ARHGAP12: variants seen among roughly 807,000 people sequenced by gnomAD.
The protein encoded by ARHGAP12 is Rho GTPase activating protein 12, also known as rho GTPase-activating protein 12.
A neutral mutation model predicts 108.6 loss-of-function variants in ARHGAP12; 64 were observed. That is an observed-to-expected ratio of 0.59 (90% CI 0.48 to 0.73). The LOEUF (loss-of-function observed/expected upper bound fraction) is 0.73. Ranked by LOEUF, ARHGAP12 falls within the 30% of genes least tolerant of loss-of-function variation. ARHGAP12 has a pLI of 0.00. For missense variants in ARHGAP12, 940 were observed against 1,005.9 expected, an observed-to-expected ratio of 0.93 and a Z score of 0.89; for synonymous variants, 312 against 337.2, an observed-to-expected ratio of 0.93 and a Z score of 0.82.
chr10:31,913,942 G>A (rs1439345303), intron 1 of ARHGAP12, among the ~76,000 whole-genome samples: 1 of 152,068 alleles, frequency 6.6e-6, no homozygotes, highest in Non-Finnish European at 1.5e-5. Context: ...GGTATAGCAC[G>A]GGGGTTGTAA....
chr10:31,883,471 T>C (rs944231987), intron 3 of ARHGAP12, among the ~76,000 whole-genome samples: 2 of 152,210 alleles, frequency 1.3e-5, no homozygotes, highest in African/African-American at 2.4e-5. Context: ...CATAACATGC[T>C]TGAAGAACTA....
Position 31,908,408 on chromosome 10 carries a change from G to C in ARHGAP12, c.448C>G (p.Leu150Val). Reference protein sequence around the residue: ...YNQGQTVNLSLDLTHNNGKFN... With the variant: ...YNQGQTVNLSVDLTHNNGKFN... Reference sequence around the variant, plus strand: ...TTTCCGTTATTATGGGTCAGGTCCAGGCTTAGGTTGACAGTCTGACCTTGA... The same window carrying C: ...TTTCCGTTATTATGGGTCAGGTCCACGCTTAGGTTGACAGTCTGACCTTGA... Residue 150 changes from leucine to valine, a missense_variant, in exon 3 of 20, where the codon CTG becomes GTG. Coordinates refer to ENST00000344936, the MANE Select transcript of ARHGAP12 (RefSeq NM_018287.7). The C allele has an allele frequency of 6.2e-7, 1 of 1,614,182 alleles. No homozygotes were observed. The highest frequency in any genetic ancestry group is 8.5e-7 in the Non-Finnish European group (1 of 1,180,028).
At position 31,928,767 on chromosome 10, in the gene ARHGAP12, T is replaced by C. The variant is rs184905360; in HGVS notation, c.-195A>G. On this transcript the variant is annotated 5_prime_UTR_variant, in exon 1 of 20. Coordinates refer to ENST00000344936, the MANE Select transcript of ARHGAP12 (RefSeq NM_018287.7). ...GTCGACGACGCGAGCCCGAAGAGCG[T>C]TCACACGGCTACGGCCGCGGCCGGC... The C allele has an allele frequency of 6.6e-6, 1 of 151,554 alleles. No homozygotes were observed. Among genetic ancestry groups the C allele is most frequent in the Non-Finnish European group, 1.5e-5 (1 of 67,864 alleles). The allele number at this position is 151,554 out of a possible 1,614,324, so 9.4% of individuals were successfully genotyped here.
In ARHGAP12 at chr10:31,925,510, C is replaced by G. The variant is rs1309541496; in HGVS notation, c.-111+3173G>C. Reference sequence around the variant, plus strand: ...CAACACTGACACATAACAATTTCCACACTTCATTCAGATTTCCTTAGTATT... The same window carrying G: ...CAACACTGACACATAACAATTTCCAGACTTCATTCAGATTTCCTTAGTATT... On this transcript the variant is annotated intron_variant, in intron 1 of 19. Coordinates refer to ENST00000344936, the MANE Select transcript of ARHGAP12 (RefSeq NM_018287.7). Among the ~76,000 whole-genome samples, 3 of 152,300 alleles carry G rather than the reference C, an allele frequency of 2.0e-5. No homozygotes were observed. In the South Asian group the frequency reaches 6.2e-4, roughly 32 times the overall value.
At chr10:31,927,516 C>G (rs1249787867) in intron 1 of ARHGAP12, among the ~76,000 whole-genome samples, 1 of 152,168 alleles carries the variant, frequency 6.6e-6, no homozygotes, top group Non-Finnish European at 1.5e-5. Flanking sequence ...TCCACCACCT[C>G]CCTTTAGGAA....
chr10:31,872,258 T>C (rs533569329), intron 3 of ARHGAP12, among the ~76,000 whole-genome samples: 1 of 152,242 alleles, frequency 6.6e-6, no homozygotes, highest in East Asian at 1.9e-4. Flanking sequence ...ATCGATTACC[T>C]AAACTCTATT....
intron 3 of ARHGAP12, among the ~76,000 whole-genome samples, chr10:31,895,255 G>A (rs1005604228): frequency 2.6e-5 from 4 of 152,080 alleles, no homozygotes; most frequent in Admixed American, 1.3e-4. Flanking sequence ...AAATGGGATC[G>A]AATTAAACTA....
chr10:31,814,149 C>T (rs2799012), intron 14 of ARHGAP12, 110 bp downstream of exon 14: 416,428 of 843,480 alleles, frequency 0.49, 105,015 homozygotes, highest in African/African-American at 0.57. Flanking sequence ...CTGCACAGCC[C>T]TTTTGTAACA....
chr10:31,853,403 T>C (rs1306282811), intron 5 of ARHGAP12, among the ~76,000 whole-genome samples: 3 of 151,960 alleles, frequency 2.0e-5, no homozygotes, highest in African/African-American at 7.2e-5. Flanking sequence ...ACAGGGAATA[T>C]GAGGGGAAAA....
chr10:31,869,894 C>T (rs1293620803), intron 3 of ARHGAP12, among the ~76,000 whole-genome samples: 1 of 152,098 alleles, frequency 6.6e-6, no homozygotes, highest in Admixed American at 6.5e-5. Flanking sequence ...TAATAAACTT[C>T]TGAGAATGGC....
At chr10:31,896,490 C>T (rs1372748767) in intron 3 of ARHGAP12, among the ~76,000 whole-genome samples, 2 of 152,038 alleles carry the variant, frequency 1.3e-5, no homozygotes, top group Non-Finnish European at 2.9e-5. Flanking sequence ...GTGTCAGCCT[C>T]ATAGAGAAAA....
At chr10:31,866,116 G>C (rs2132320976) in intron 3 of ARHGAP12, among the ~76,000 whole-genome samples, 1 of 152,238 alleles carries the variant, frequency 6.6e-6, no homozygotes, top group Middle Eastern at 3.4e-3. Flanking sequence ...TAAAGAACCA[G>C]ACTAAGTGAT....
rs187017318 is a variant in ARHGAP12, at chr10:31,896,005, C to T, written c.684+12167G>A. ...ATCGCAAGCACAAAAAACCAAACAC[C>T]GCATGTTCTCACTCACAGGTGGGAA... On this transcript the variant is annotated intron_variant, in intron 3 of 19. Coordinates refer to ENST00000344936, the MANE Select transcript of ARHGAP12 (RefSeq NM_018287.7). 5.5e-4 allele frequency among the ~76,000 whole-genome samples: 83 copies of T among 151,988 alleles called. 1 individual carries two copies. The highest frequency in any genetic ancestry group is 3.4e-3 in the Middle Eastern group (1 of 294).
intron 6 of ARHGAP12, among the ~76,000 whole-genome samples, chr10:31,847,194 T>C (rs1836494398): frequency 6.6e-6 from 1 of 152,200 alleles, no homozygotes; most frequent in African/African-American, 2.4e-5. Context: ...AATTCATTCA[T>C]CCCTGTCATC....
chr10:31,865,372 T>C (rs1005059660), intron 3 of ARHGAP12, among the ~76,000 whole-genome samples: 1 of 151,944 alleles, frequency 6.6e-6, no homozygotes, highest in Non-Finnish European at 1.5e-5. Flanking sequence ...AACATACAGG[T>C]TGTATGTTTG....
chr10:31,848,294 CT>C (rs1398022557), intron 6 of ARHGAP12, among the ~76,000 whole-genome samples: 11 of 152,164 alleles, frequency 7.2e-5, no homozygotes, highest in Admixed American at 7.2e-4. Context: ...TCCTTTCCCC[CT>C]GTGACGGCTT....
rs193257234 is a variant in ARHGAP12, at chr10:31,827,620, T to A, written c.1449-1235A>T. On this transcript the variant is annotated intron_variant, in intron 10 of 19. Coordinates refer to ENST00000344936, the MANE Select transcript of ARHGAP12 (RefSeq NM_018287.7). ...TCCTGGCTAACATGGTGAAACCTCG[T>A]CTCTACTAAAAATACAAAAAATTAG... Among the ~76,000 whole-genome samples the A allele has an allele frequency of 5.3e-4, 81 of 152,138 alleles. 2 individuals are homozygous for A. In the East Asian group the frequency reaches 0.011, roughly 21 times the overall value.
intron 3 of ARHGAP12, among the ~76,000 whole-genome samples, chr10:31,906,860 G>A (rs1050344039): frequency 6.6e-6 from 1 of 152,084 alleles, no homozygotes; most frequent in African/African-American, 2.4e-5. Flanking sequence ...CTTTCCTAAG[G>A]CCCATTAGTT....
At chr10:31,862,089 A>G (rs1189157144) in intron 3 of ARHGAP12, among the ~76,000 whole-genome samples, 3 of 152,272 alleles carry the variant, frequency 2.0e-5, no homozygotes, top group Non-Finnish European at 2.9e-5. Flanking sequence ...TTAAAATATA[A>G]AAAGTTTTAC....
Sources: gnomAD v4.1 joint callset for allele counts (sites outside exome capture counted in the v4.1 genomes callset) on GRCh38, gnomAD v4.1.1 for gene constraint, MANE v1.5 for transcripts, NCBI Gene and HGNC (gene_info 2026-07-23, HGNC 2026-07-21) for gene names.